MDM1: variants seen among roughly 807,000 people sequenced by gnomAD.
MDM1 encodes the protein stabilizer of axonemal microtubules 6.
Under a neutral mutation model 89.1 loss-of-function variants are expected in MDM1, and 61 were observed. The observed-to-expected ratio is 0.68, with a 90% CI of 0.56 to 0.85. MDM1 has a LOEUF of 0.85. Among genes scored for constraint, MDM1 ranks in the 40% least tolerant of loss-of-function variants. The pLI is 0.00. For missense variants in MDM1, 820 were observed against 846.5 expected, an observed-to-expected ratio of 0.97 and a Z score of 0.39; for synonymous variants, 290 against 294.1, an observed-to-expected ratio of 0.99 and a Z score of 0.14.
At chr12:68,326,257 T>C (rs1462280938) in intron 3 of MDM1, 9 of 1,169,152 alleles carry the variant, frequency 7.7e-6, no homozygotes, top group Non-Finnish European at 9.5e-6. Flanking sequence ...CAATTGAATT[T>C]CTGTTTGTCT....
At chr12:68,325,736 CT>C (rs1285833843) in intron 3 of MDM1, 161 bp from the exon 4 acceptor site, 11 of 1,260,744 alleles carry the variant, frequency 8.7e-6, no homozygotes, top group Non-Finnish European at 1.1e-5. Context: ...GTACAGCAAA[CT>C]TTCTTCAACT....
intron 1 of MDM1, chr12:68,332,010 CT>C: frequency 1.4e-6 from 1 of 712,582 alleles, no homozygotes; most frequent in Non-Finnish European, 2.5e-6. Context: ...CCATCTGACT[CT>C]TCGACACACT....
rs533610607 is a variant in MDM1 at position 68,328,659 on chromosome 12, CCAATTAGACTCCTCT to C, written c.134-1653_134-1639del. On this transcript the variant is annotated intron_variant, in intron 2 of 14. Transcript: ENST00000682720. ...TAAAAGCAAAAAAGCTTGAAGATCA[CCAATTAGACTCCTCT>C]CTGCTTTAACACAGAGGCAGGTTTT... 2.4e-4 allele frequency among the ~76,000 whole-genome samples: 37 copies of C among 151,112 alleles called. 1 individual carries two copies. The East Asian group carries it at 6.8e-3, about 28-fold the overall frequency.
At position 68,315,103 on chromosome 12, in the gene MDM1, G is replaced by A; in HGVS notation, c.1374C>T (p.Asn458=). 1 of 1,614,012 alleles carries A rather than the reference G, an allele frequency of 6.2e-7. No homozygotes were observed. Among genetic ancestry groups the A allele is most frequent in the Non-Finnish European group, 8.5e-7 (1 of 1,179,998 alleles). ...VRRRLAWDTE[N]TSEDVQKQPG... ...GCTGTTTCTGTACGTCTTCACTTGT[G>A]TTCTCTGTATCCCAAGCCAGCCGCC... is the stretch of plus-strand genomic sequence containing the variant. The change falls in exon 10 of 15, where the codon AAC becomes AAT. Residue 458 remains asparagine (N), a synonymous_variant. Coordinates refer to ENST00000682720, the MANE Select transcript of MDM1 (RefSeq NM_001354969.2).
At chr12:68,331,745 C>T (rs1163124045) in intron 1 of MDM1, among the ~76,000 whole-genome samples, 5 of 152,176 alleles carry the variant, frequency 3.3e-5, no homozygotes, top group African/African-American at 1.2e-4. Flanking sequence ...TACCAGCTAC[C>T]TGGAACTTTT....
chr12:68,330,115 C>A (rs1876572404), intron 2 of MDM1, among the ~76,000 whole-genome samples: 1 of 152,172 alleles, frequency 6.6e-6, no homozygotes, highest in African/African-American at 2.4e-5. Flanking sequence ...TCCCTCCAAT[C>A]CACTCCTCCC....
Position 68,326,989 on chromosome 12 carries a change from T to G in MDM1, c.166A>C (p.Arg56=). The change falls in exon 3 of 15, where the codon AGA becomes CGA. Residue 56 remains arginine, a synonymous_variant. Transcript: ENST00000682720. ...ITKEPSFISK[R]RVPYHDPQIS... is the part of the protein sequence containing the mutation. ...TGTGGGTCATGGTAAGGGACTCTTC[T>G]TTTTGAAATAAAACTTGGCTCTTTC... The G allele has an allele frequency of 6.2e-7, 1 of 1,601,406 alleles. No individual in the cohort carries two copies. The highest frequency in any genetic ancestry group is 8.5e-7 in the Non-Finnish European group (1 of 1,175,800).
intron 12 of MDM1, among the ~76,000 whole-genome samples, chr12:68,309,782 G>C (rs1592961052): frequency 6.6e-6 from 1 of 152,126 alleles, no homozygotes; most frequent in East Asian, 1.9e-4. Context: ...AATATAAGGG[G>C]AAAAACTGAT....
intron 4 of MDM1, chr12:68,324,968 A>G (rs1247536446): frequency 1.0e-6 from 1 of 962,112 alleles, no homozygotes; most frequent in African/African-American, 1.8e-5. Context: ...GCCTATTACT[A>G]TTTGTCTGAT....
intron 2 of MDM1, among the ~76,000 whole-genome samples, chr12:68,329,101 A>C (rs1176624933): frequency 6.6e-6 from 1 of 152,218 alleles, no homozygotes; most frequent in Admixed American, 6.5e-5. Context: ...GCAGGGTGGG[A>C]TATCTATGCT....
At chr12:68,321,471 A>G (rs780415102) in intron 6 of MDM1, 25 bp from the exon 7 acceptor site, 2 of 1,609,360 alleles carry the variant, frequency 1.2e-6, no homozygotes, top group South Asian at 1.1e-5. Context: ...ATGAAAGTAA[A>G]TATTTCACCA....
At position 68,332,128 on chromosome 12, in the gene MDM1, G is replaced by A. The variant is rs1876921443; in HGVS notation, c.18+100C>T. ...TGGGGCTGGCAGCTTCCGCCGGGCAGAGGGCTGCAGCGCAGAAAAGCAGCG... is the reference window on the plus strand; with the variant it reads ...TGGGGCTGGCAGCTTCCGCCGGGCAAAGGGCTGCAGCGCAGAAAAGCAGCG... On this transcript the variant is annotated intron_variant, in intron 1 of 14. Coordinates refer to ENST00000682720, the MANE Select transcript of MDM1 (RefSeq NM_001354969.2). 1.9e-5 allele frequency: 28 copies of A among 1,491,794 alleles called. 1 individual carries two copies. The South Asian group carries it at 3.3e-4, about 18-fold the overall frequency. The allele number at this position is 1,491,794 out of a possible 1,614,324, so 92.4% of individuals were successfully genotyped here.
chr12:68,306,432 A>G (rs879526914), intron 12 of MDM1, among the ~76,000 whole-genome samples: 8 of 152,234 alleles, frequency 5.3e-5, no homozygotes, highest in Non-Finnish European at 1.0e-4. Flanking sequence ...TTGCACAGCA[A>G]AAGAAACTAT....
At chr12:68,312,571 G>A (rs1216797339) in intron 12 of MDM1, among the ~76,000 whole-genome samples, 1 of 152,090 alleles carries the variant, frequency 6.6e-6, no homozygotes, top group Admixed American at 6.5e-5. Flanking sequence ...CCCAGCTCTT[G>A]CTCTACTACT....
chr12:68,321,474 T>A (rs374803112), intron 6 of MDM1, 28 bp from the exon 7 acceptor site: 6 of 1,610,862 alleles, frequency 3.7e-6, no homozygotes, highest in Non-Finnish European at 5.1e-6. Flanking sequence ...AAAGTAAATA[T>A]TTCACCATGT....
chr12:68,296,274 C>T (rs770777600), intron 14 of MDM1, among the ~76,000 whole-genome samples: 37 of 152,232 alleles, frequency 2.4e-4, no homozygotes, highest in Admixed American at 8.5e-4. Flanking sequence ...CCAAGGTGGG[C>T]GGATCACAAG....
In MDM1 at chr12:68,321,614, G is replaced by T. The variant is rs202190775; in HGVS notation, c.816C>A (p.Asp272Glu). 2 of 1,608,544 alleles carry T rather than the reference G, an allele frequency of 1.2e-6. No homozygotes were observed. Among genetic ancestry groups the T allele is most frequent in the East Asian group, 4.5e-5 (2 of 44,786 alleles). Residue 272 changes from aspartate (D) to glutamate (E), a missense_variant, in exon 6 of 15, where the codon GAC becomes GAA. Transcript: ENST00000682720. ...TCTCTGCTTCCAATTTTAAACGATC[G>T]TCTATTTTATTACTCTGAAATGGAA... ...VSPERKSNKI[D>E]DRLKLEAEME...
chr12:68,297,455 T>C (rs548563677), intron 13 of MDM1, among the ~76,000 whole-genome samples: 48 of 152,120 alleles, frequency 3.2e-4, no homozygotes, highest in African/African-American at 1.1e-3. Flanking sequence ...TAAGTGGAAG[T>C]TTAAGCCAGC....
At chr12:68,311,145 A>AT (rs1661583839) in intron 12 of MDM1, among the ~76,000 whole-genome samples, 1 of 152,050 alleles carries the variant, frequency 6.6e-6, no homozygotes. Context: ...ACTTTGTCTT[A>AT]TTCTCATGAC....
Sources: allele counts gnomAD v4.1 joint callset (sites outside exome capture counted in the v4.1 genomes callset), GRCh38; gene constraint gnomAD v4.1.1; transcripts MANE v1.5; gene names NCBI Gene and HGNC (gene_info 2026-07-23, HGNC 2026-07-21).